CCDC178: variants seen among roughly 807,000 people sequenced by gnomAD.
CCDC178 encodes coiled-coil domain-containing protein 178.
Under a neutral mutation model 117.4 loss-of-function variants are expected in CCDC178, and 126 were observed. The ratio of observed to expected loss-of-function variants is 1.07; its 90% CI spans 0.93 to 1.24. The LOEUF (loss-of-function observed/expected upper bound fraction) is 1.24. Among genes scored for constraint, CCDC178 ranks in the 50% most tolerant of loss-of-function variants. The probability of loss-of-function intolerance (pLI) is 0.00; values close to 1 mark genes in which losing one functional copy is unlikely to be tolerated. For missense variants in CCDC178, 1,030 were observed against 986.9 expected (o/e 1.04, Z -0.59); for synonymous variants, 283 against 313.4 (o/e 0.90, Z 1.02).
At chr18:32,991,745 A>G (rs1275016201) in intron 21 of CCDC178, among the ~76,000 whole-genome samples, 2 of 152,050 alleles carry the variant, frequency 1.3e-5, no homozygotes, top group Admixed American at 6.5e-5. Flanking sequence ...TCCCAACAAA[A>G]CTTTCTCTGT....
chr18:33,298,891 CA>C (rs34175953), intron 11 of CCDC178, among the ~76,000 whole-genome samples: 9 of 151,372 alleles, frequency 5.9e-5, no homozygotes, highest in Non-Finnish European at 1.0e-4. Flanking sequence ...AAAATAGCTA[CA>C]AAAAAAACTA....
At chr18:33,095,651 G>A (rs2057530518) in intron 20 of CCDC178, among the ~76,000 whole-genome samples, 2 of 151,822 alleles carry the variant, frequency 1.3e-5, no homozygotes, top group African/African-American at 4.8e-5. Flanking sequence ...TATATATTGT[G>A]CCCTTTGGAA....
intron 2 of CCDC178, 123 bp from the exon 3 acceptor site, chr18:33,412,233 C>T (rs2063865047): frequency 2.3e-6 from 1 of 429,704 alleles, no homozygotes; most frequent in South Asian, 4.5e-5. Context: ...GTAAGGAAGT[C>T]CAACAATGTA....
intron 15 of CCDC178, among the ~76,000 whole-genome samples, chr18:33,233,185 T>C (rs533248072): frequency 6.6e-6 from 1 of 152,282 alleles, no homozygotes; most frequent in Admixed American, 6.5e-5. Context: ...TCTTGGTTAC[T>C]TTCTTAAAGT....
At chr18:33,039,029 T>C (rs1227969761) in intron 21 of CCDC178, among the ~76,000 whole-genome samples, 2 of 152,024 alleles carry the variant, frequency 1.3e-5, no homozygotes, top group Non-Finnish European at 2.9e-5. Context: ...AGAAGATATG[T>C]ATAAAGTATT....
In CCDC178 at chr18:33,106,852, C is replaced by T. The variant is rs554963183; in HGVS notation, c.2239-13942G>A. On this transcript the variant is annotated intron_variant, in intron 20 of 22. Coordinates refer to ENST00000383096, the MANE Select transcript of CCDC178 (RefSeq NM_001105528.4). ...TAAAATATGTATGGGAATTGAGATC[C>T]GTCATCAAACCTATAACTGTCTTTG... Among the ~76,000 whole-genome samples the T allele has an allele frequency of 1.0e-3, 154 of 151,732 alleles. 1 individual carries two copies. Among genetic ancestry groups the T allele is most frequent in the African/African-American group, 3.4e-3 (140 of 41,478 alleles).
chr18:33,226,751 A>C, intron 16 of CCDC178, 42 bp downstream of exon 16: 1 of 1,364,274 alleles, frequency 7.3e-7, no homozygotes, highest in Non-Finnish European at 1.0e-6. Context: ...GTAAAATGCA[A>C]ATTAAAGGAA....
At chr18:33,230,455 A>G (rs2059356837) in intron 15 of CCDC178, among the ~76,000 whole-genome samples, 1 of 152,094 alleles carries the variant, frequency 6.6e-6, no homozygotes, top group Non-Finnish European at 1.5e-5. Context: ...TCCCTCCTCT[A>G]TCTCCTTGGC....
intron 14 of CCDC178, among the ~76,000 whole-genome samples, chr18:33,257,778 A>G (rs558524466): frequency 2.0e-5 from 3 of 152,138 alleles, no homozygotes; most frequent in Admixed American, 6.5e-5. Flanking sequence ...TATGACTCCA[A>G]ATTTGTCTTT....
chr18:32,983,977 T>C (rs1334952309), intron 21 of CCDC178, among the ~76,000 whole-genome samples: 1 of 152,020 alleles, frequency 6.6e-6, no homozygotes, highest in Non-Finnish European at 1.5e-5. Context: ...CTATTTATAG[T>C]ACTCAGTTAC....
At chr18:33,373,415 T>C (rs2063326153) in intron 5 of CCDC178, among the ~76,000 whole-genome samples, 1 of 152,186 alleles carries the variant, frequency 6.6e-6, no homozygotes, top group Admixed American at 6.6e-5. Flanking sequence ...CCCACTACCT[T>C]GCCTGACCAC....
chr18:33,036,490 G>A (rs1425370479), intron 21 of CCDC178, among the ~76,000 whole-genome samples: 2 of 151,846 alleles, frequency 1.3e-5, no homozygotes, highest in African/African-American at 2.4e-5. Flanking sequence ...GGGAGAGAAA[G>A]CTCTAGGGAA....
chr18:32,949,796 A>T (rs574082912), intron 22 of CCDC178, among the ~76,000 whole-genome samples: 89 of 152,126 alleles, frequency 5.9e-4, no homozygotes, highest in African/African-American at 2.1e-3. Flanking sequence ...TACATTGTGC[A>T]TTTTACCTTC....
intron 21 of CCDC178, among the ~76,000 whole-genome samples, chr18:33,085,107 A>G (rs1032972234): frequency 3.9e-5 from 6 of 152,182 alleles, no homozygotes; most frequent in African/African-American, 1.4e-4. Flanking sequence ...TTTAATACCT[A>G]TTATAGAGTA....
At chr18:33,145,700 A>C (rs2144317530) in intron 20 of CCDC178, among the ~76,000 whole-genome samples, 1 of 152,322 alleles carries the variant, frequency 6.6e-6, no homozygotes, top group East Asian at 1.9e-4. Context: ...TGAGGCCAAG[A>C]CACTAAATGG....
intron 22 of CCDC178, among the ~76,000 whole-genome samples, chr18:32,967,242 CTT>C (rs1012978580): frequency 6.9e-6 from 1 of 145,128 alleles, no homozygotes; most frequent in Non-Finnish European, 1.5e-5. Context: ...ATGTGATGCT[CTT>C]TTTTTTTTTA....
intron 15 of CCDC178, among the ~76,000 whole-genome samples, chr18:33,228,999 G>T (rs1196206295): frequency 2.0e-5 from 3 of 152,276 alleles, no homozygotes; most frequent in South Asian, 4.2e-4. Flanking sequence ...ACATCTGAGA[G>T]AGGGGATTTA....
At chr18:32,994,626 C>T (rs751580715) in intron 21 of CCDC178, among the ~76,000 whole-genome samples, 1 of 152,088 alleles carries the variant, frequency 6.6e-6, no homozygotes, top group Non-Finnish European at 1.5e-5. Flanking sequence ...GAAAAGCCTC[C>T]AAGACTAAAA....
intron 20 of CCDC178, among the ~76,000 whole-genome samples, chr18:33,124,980 T>C (rs2144229110): frequency 6.6e-6 from 1 of 152,314 alleles, no homozygotes; most frequent in East Asian, 1.9e-4. Flanking sequence ...TATGCCTCAG[T>C]GTCAGCTGTG....
Sources: allele counts gnomAD v4.1 joint callset (sites outside exome capture counted in the v4.1 genomes callset), GRCh38; gene constraint gnomAD v4.1.1; transcripts MANE v1.5; gene names NCBI Gene and HGNC (gene_info 2026-07-23, HGNC 2026-07-21).